The following TET3 variants were observed in gnomAD, a reference collection of about 807,000 sequenced individuals.
TET3 encodes the protein methylcytosine dioxygenase TET3.
TET3 carries 19 observed loss-of-function variants against 141.4 expected under a neutral mutation model. The ratio of observed to expected loss-of-function variants is 0.13; its 90% CI spans 0.09 to 0.20. TET3 has a LOEUF of 0.20. Ranked by LOEUF, TET3 falls within the 10% of genes least tolerant of loss-of-function variation. The probability of loss-of-function intolerance (pLI) is 1.00; values close to 1 mark genes in which losing one functional copy is unlikely to be tolerated. For synonymous variants in TET3, 1,043 were observed against 980.9 expected, an observed-to-expected ratio of 1.06 and a Z score of -1.18; for missense variants, 1,874 against 2,356.9, an observed-to-expected ratio of 0.80 and a Z score of 4.24.
upstream of TET3, among the ~76,000 whole-genome samples, chr2:73,983,903 T>C (rs772996930): frequency 9.6e-4 from 147 of 152,372 alleles, no homozygotes; most frequent in Non-Finnish European, 1.5e-3. Context: ...GGCACCAGCC[T>C]GGCAGTCAGG....
chr2:74,067,404 CTTATG>C (rs1016529361), intron 4 of TET3, among the ~76,000 whole-genome samples: 6 of 152,190 alleles, frequency 3.9e-5, no homozygotes, highest in Admixed American at 2.6e-4. Context: ...ACCTGTTGAG[CTTATG>C]TTATGTGCCA....
At chr2:74,032,752 G>T (rs1686822278) in intron 3 of TET3, among the ~76,000 whole-genome samples, 1 of 152,154 alleles carries the variant, frequency 6.6e-6, no homozygotes, top group African/African-American at 2.4e-5. Flanking sequence ...GGCATGGGGA[G>T]CCTGCAGAGC....
the TET3 span, chr2:74,134,714 G>A: frequency 2.2e-6 from 1 of 456,708 alleles, no homozygotes; most frequent in East Asian, 6.9e-5. Context: ...GCCAGCTGCT[G>A]AAAACAGGGA....
intron 3 of TET3, among the ~76,000 whole-genome samples, chr2:74,027,076 A>G (rs1184222044): frequency 1.3e-5 from 2 of 152,202 alleles, no homozygotes; most frequent in African/African-American, 2.4e-5. Context: ...GTAGGGAAAT[A>G]AAAGGAGAGA....
At chr2:74,024,546 G>A (rs1686230497) in intron 3 of TET3, among the ~76,000 whole-genome samples, 1 of 152,084 alleles carries the variant, frequency 6.6e-6, no homozygotes, top group Non-Finnish European at 1.5e-5. Context: ...TGGTGTCTGG[G>A]GCTCAGTGTC....
intron 10 of TET3, among the ~76,000 whole-genome samples, chr2:74,097,228 C>CACACACACACACACAT (rs767965023): frequency 1.6e-4 from 24 of 150,692 alleles, no homozygotes; most frequent in Non-Finnish European, 2.2e-4. Context: ...CACACACACA[C>CACACACACACACACAT]ACATACATTC....
chr2:74,003,201 T>G, intron 3 of TET3, 35 bp downstream of exon 3: 1 of 1,452,532 alleles, frequency 6.9e-7, no homozygotes, highest in African/African-American at 1.4e-5. Flanking sequence ...TGTGTGCGTG[T>G]GTGTGGTGGC....
chr2:74,088,899 G>A (rs1182704527), intron 7 of TET3, among the ~76,000 whole-genome samples: 1 of 151,976 alleles, frequency 6.6e-6, no homozygotes, highest in African/African-American at 2.4e-5. Context: ...TGGCCATCAT[G>A]GCGAAACCCT....
intron 3 of TET3, among the ~76,000 whole-genome samples, chr2:74,018,777 A>G (rs1685872826): frequency 6.6e-6 from 1 of 151,314 alleles, no homozygotes; most frequent in Non-Finnish European, 1.5e-5. Context: ...TCTTTCTCCA[A>G]ATAAGCTTAT....
intron 3 of TET3, among the ~76,000 whole-genome samples, chr2:74,012,982 A>G (rs1483467428): frequency 2.0e-5 from 3 of 147,690 alleles, no homozygotes; most frequent in African/African-American, 7.5e-5. Context: ...AATATACTAT[A>G]CTTGGTAATG....
upstream of TET3, among the ~76,000 whole-genome samples, chr2:73,984,792 C>G (rs1379053866): frequency 6.7e-6 from 1 of 149,212 alleles, no homozygotes; most frequent in South Asian, 2.1e-4. This position sits in a 1 kb window ranked among gnomAD's most constrained non-coding sequence, Gnocchi z 5.6. Flanking sequence ...GAACCACCCC[C>G]CTCTCGCCCG....
At chr2:74,066,977 C>T (rs759444823) in intron 4 of TET3, among the ~76,000 whole-genome samples, 1 of 152,152 alleles carries the variant, frequency 6.6e-6, no homozygotes, top group East Asian at 1.9e-4. Flanking sequence ...TGGAACAGAG[C>T]CCAGAAGTTC....
chr2:74,126,526 G>A, the TET3 span, among the ~76,000 whole-genome samples: 2 of 122,362 alleles, frequency 1.6e-5, no homozygotes, highest in African/African-American at 3.4e-5. Context: ...TTTTTGAGAT[G>A]GAGTCTTGCT....
intron 2 of TET3, among the ~76,000 whole-genome samples, chr2:74,000,949 T>C (rs1684820872): frequency 6.6e-6 from 1 of 152,082 alleles, no homozygotes; most frequent in Non-Finnish European, 1.5e-5. Flanking sequence ...TGTTTGTCTC[T>C]CCTATCCAGC....
At chr2:74,132,358 G>A in the TET3 span, among the ~76,000 whole-genome samples, 1 of 152,184 alleles carries the variant, frequency 6.6e-6, no homozygotes, top group African/African-American at 2.4e-5. Context: ...GAGCCAAACA[G>A]AGGCCGTCCT....
intron 11 of TET3, among the ~76,000 whole-genome samples, chr2:74,099,958 G>A (rs577237678): frequency 6.4e-4 from 97 of 152,176 alleles, no homozygotes; most frequent in Non-Finnish European, 1.2e-3. Flanking sequence ...GTGGGTGTGT[G>A]CCAGGGCAGC....
At chr2:74,088,837 T>C (rs1170291861) in intron 7 of TET3, among the ~76,000 whole-genome samples, 1 of 152,058 alleles carries the variant, frequency 6.6e-6, no homozygotes, top group Non-Finnish European at 1.5e-5. Flanking sequence ...TCGCAGCACT[T>C]TGGGAGGCCA....
chr2:74,054,883 G>C (rs1688130246), intron 4 of TET3, among the ~76,000 whole-genome samples: 1 of 152,032 alleles, frequency 6.6e-6, no homozygotes. Flanking sequence ...AGGACTGCAT[G>C]TTTTTTGTTG....
intron 11 of TET3, among the ~76,000 whole-genome samples, chr2:74,099,862 A>G (rs748982802): frequency 6.6e-6 from 1 of 152,158 alleles, no homozygotes; most frequent in Non-Finnish European, 1.5e-5. Context: ...TCTAGTTTGC[A>G]TCCCTCAGAG....
Sources: allele counts gnomAD v4.1 joint callset (sites outside exome capture counted in the v4.1 genomes callset), GRCh38; gene constraint gnomAD v4.1.1; non-coding constraint Gnocchi (gnomAD v3.1); transcripts MANE v1.5; gene names NCBI Gene and HGNC (gene_info 2026-07-23, HGNC 2026-07-21).